Variants in TTI1 observed in about 807,000 individuals in gnomAD.
TTI1 encodes TELO2-interacting protein 1 homolog.
Under a neutral mutation model 85.4 loss-of-function variants are expected in TTI1, and 52 were observed. The observed-to-expected ratio is 0.61, with a 90% CI of 0.49 to 0.77. The LOEUF is 0.77. Among genes scored for constraint, TTI1 ranks in the 30% least tolerant of loss-of-function variants. TTI1 has a pLI of 0.00. For synonymous variants in TTI1, 512 were observed against 503.9 expected, an observed-to-expected ratio of 1.02 and a Z score of -0.22; for missense variants, 1,173 against 1,296.0, an observed-to-expected ratio of 0.91 and a Z score of 1.46.
At chr20:38,009,921 T>C (rs917479919) in intron 2 of TTI1, among the ~76,000 whole-genome samples, 8 of 152,240 alleles carry the variant, frequency 5.3e-5, no homozygotes, top group South Asian at 2.1e-4. Flanking sequence ...ACTGAACTTA[T>C]AGGAGCCTGT....
chr20:38,015,581 C>T (rs2073671096), intron 1 of TTI1, among the ~76,000 whole-genome samples: 1 of 152,062 alleles, frequency 6.6e-6, no homozygotes, highest in African/African-American at 2.4e-5. Context: ...CATTTGAGCA[C>T]TCCTTGAGGT....
intron 7 of TTI1, among the ~76,000 whole-genome samples, chr20:37,990,391 A>C (rs142151911): frequency 6.6e-6 from 1 of 152,358 alleles, no homozygotes; most frequent in East Asian, 1.9e-4. Flanking sequence ...AAGCAAAATA[A>C]CATACATGCT....
intron 2 of TTI1, among the ~76,000 whole-genome samples, chr20:38,008,253 T>C (rs1161961480): frequency 3.9e-5 from 6 of 152,136 alleles, no homozygotes; most frequent in African/African-American, 1.4e-4. Flanking sequence ...TAATACCCTT[T>C]AAACCAGCAT....
At position 38,006,241 on chromosome 20, in the gene TTI1, T is replaced by C. The variant is rs1216405080; in HGVS notation, c.2459A>G (p.Lys820Arg). The change falls in exon 3 of 8, where the codon AAG (lysine) becomes AGG (arginine). Residue 820 changes from lysine (K) to arginine (R), a missense_variant. Transcript: ENST00000373447. ...CGAGACATTTCCATCTGCCACATCCTTCTCTTTGAGGTAGTTCAGCAAAAA... is the reference window on the plus strand; with the variant it reads ...CGAGACATTTCCATCTGCCACATCCCTCTCTTTGAGGTAGTTCAGCAAAAA... The part of the protein sequence containing the change: ...EQFLLNYLKE[K>R]DVADGNVSDF... 2 of 1,614,232 alleles carry C rather than the reference T, an allele frequency of 1.2e-6. No individual in the cohort carries two copies.
chr20:37,991,536 C>G (rs2073265139), intron 7 of TTI1, among the ~76,000 whole-genome samples: 1 of 152,196 alleles, frequency 6.6e-6, no homozygotes, highest in Non-Finnish European at 1.5e-5. Context: ...GGAAGTCAGT[C>G]TGTAAATGAA....
chr20:38,020,931 C>T (rs1254942766), intron 1 of TTI1, among the ~76,000 whole-genome samples: 3 of 152,158 alleles, frequency 2.0e-5, no homozygotes, highest in African/African-American at 7.2e-5. Context: ...ACGGAAAACT[C>T]GTTGGCAGTA....
At chr20:38,015,390 C>T (rs897271361) in intron 1 of TTI1, among the ~76,000 whole-genome samples, 1 of 152,156 alleles carries the variant, frequency 6.6e-6, no homozygotes, top group African/African-American at 2.4e-5. Context: ...TAGAAAAATG[C>T]CACGCGTGGC....
chr20:38,012,597 T>C lies in TTI1; in HGVS notation c.1220A>G (p.Tyr407Cys). 6.2e-7 allele frequency: 1 copy of C among 1,614,168 alleles called. No homozygotes were observed. Among genetic ancestry groups the C allele is most frequent in the Non-Finnish European group, 8.5e-7 (1 of 1,180,024 alleles). Residue 407 changes from tyrosine to cysteine, a missense_variant, in exon 2 of 8, where the codon TAT becomes TGT. By Grantham distance (194) the Tyr-to-Cys change is radical. Coordinates refer to ENST00000373447, the MANE Select transcript of TTI1 (RefSeq NM_001303457.2). ...KFSTLSLLLG[Y>C]LKLLGPKINF... ...TATTTTTGGGCCCAAGAGTTTCAGA[T>C]AACCAAGTAACAAGGAAAGAGTAGA...
At chr20:38,024,701 T>G (rs1411324131) in intron 1 of TTI1, among the ~76,000 whole-genome samples, 1 of 152,152 alleles carries the variant, frequency 6.6e-6, no homozygotes, top group African/African-American at 2.4e-5. Context: ...AAAGGCTGAT[T>G]GGAGAGCCTA....
In TTI1 at chr20:38,011,648, C is replaced by T; in HGVS notation, c.2169G>A (p.Leu723=). 1 of 1,614,248 alleles carries T rather than the reference C, an allele frequency of 6.2e-7. No homozygotes were observed. The highest frequency in any genetic ancestry group is 2.2e-5 in the East Asian group (1 of 44,890). The change falls in exon 2 of 8, where the codon CTG becomes CTA. Residue 723 remains leucine, a synonymous_variant. Transcript: ENST00000373447. The part of the protein sequence containing the change: ...PHTPKVLEVM[L]RNSDANLLPL... ...GAAGCAGGTTAGCATCTGAGTTCCG[C>T]AGCATGACTTCCAGGACCTTTGGGG...
At chr20:38,021,411 T>C (rs778670345) in intron 1 of TTI1, among the ~76,000 whole-genome samples, 7 of 152,218 alleles carry the variant, frequency 4.6e-5, no homozygotes, top group Admixed American at 2.0e-4. Context: ...TCTATTCCTA[T>C]AAAATGCAAC....
At chr20:38,019,390 C>A (rs2122622629) in intron 1 of TTI1, among the ~76,000 whole-genome samples, 1 of 152,036 alleles carries the variant, frequency 6.6e-6, no homozygotes, top group Admixed American at 6.5e-5. Context: ...AAATGCAAGA[C>A]AAGAATAATT....
At chr20:38,017,459 G>C (rs188382168) in intron 1 of TTI1, among the ~76,000 whole-genome samples, 5 of 151,564 alleles carry the variant, frequency 3.3e-5, no homozygotes, top group Non-Finnish European at 7.4e-5. Flanking sequence ...TGGTGTGTGC[G>C]CACGAGCCTT....
At chr20:37,988,329 T>G (rs1447771649) in intron 7 of TTI1, among the ~76,000 whole-genome samples, 1 of 152,180 alleles carries the variant, frequency 6.6e-6, no homozygotes, top group African/African-American at 2.4e-5. Context: ...GGGCACTGGA[T>G]CATTACTCAC....
At position 38,006,346 on chromosome 20, in the gene TTI1, A is replaced by G. The variant is rs1191654967; in HGVS notation, c.2354T>C (p.Leu785Ser). 4 of 1,613,988 alleles carry G rather than the reference A, an allele frequency of 2.5e-6. No individual in the cohort carries two copies. Among genetic ancestry groups the G allele is most frequent in the East Asian group, 2.2e-5 (1 of 44,898 alleles). ...GNLGHLQEQS[L>S]GEEGSHLNQR... The stretch of plus-strand genomic sequence containing the variant: ...GTTCAAATGACTTCCCTCTTCTCCT[A>G]AACTTTGCTCTTGGAGGTGCCCAAG... Residue 785 changes from leucine to serine, a missense_variant, in exon 3 of 8, where the codon TTA becomes TCA. By Grantham distance (145) the Leu-to-Ser change is moderately radical. Coordinates refer to ENST00000373447, the MANE Select transcript of TTI1 (RefSeq NM_001303457.2).
chr20:37,985,430 C>T (rs77001052), intron 7 of TTI1, among the ~76,000 whole-genome samples: 6,051 of 152,094 alleles, frequency 0.04, 256 homozygotes, highest in African/African-American at 0.11. Flanking sequence ...TGGGTCTTAC[C>T]GTGAAGCCAG....
chr20:38,033,109 G>A (rs1402546757), intron 1 of TTI1, among the ~76,000 whole-genome samples: 4 of 152,178 alleles, frequency 2.6e-5, no homozygotes, highest in Non-Finnish European at 5.9e-5. Context: ...CTGAGTAGGA[G>A]CTCACCAGGT....
In TTI1 at chr20:37,996,789, G is replaced by C. The variant is rs748271065; in HGVS notation, c.2958C>G (p.Val986=). Residue 986 remains valine (V), a synonymous_variant, in exon 6 of 8, where the codon GTC becomes GTG. Transcript: ENST00000373447. The stretch of plus-strand genomic sequence containing the variant: ...CACAGAGGGGGCCCAGGCCCTGTAA[G>C]ACAGCCAGCTGCAACTTGAAGGCCA... ...HTLAFKLQLA[V]LQGLGPLCER... 1 of 1,613,770 alleles carries C rather than the reference G, an allele frequency of 6.2e-7. No homozygotes were observed. The highest frequency in any genetic ancestry group is 1.1e-5 in the South Asian group (1 of 91,070).
At position 38,013,835 on chromosome 20, in the gene TTI1, T is replaced by G. The variant is rs1600641350; in HGVS notation, c.-19A>C. On this transcript the variant is annotated 5_prime_UTR_variant, in exon 2 of 8. It removes the in-frame stop codon of an upstream open reading frame in the 5' UTR. Coordinates refer to ENST00000373447, the MANE Select transcript of TTI1 (RefSeq NM_001303457.2). ...CTGCCATTGTGCAGCAGCCTTCCCC[T>G]CATTGAGGAAACATCCTGCAGGCTG... The G allele has an allele frequency of 3.8e-6, 6 of 1,593,708 alleles. No homozygotes were observed. Among genetic ancestry groups the G allele is most frequent in the Non-Finnish European group, 5.1e-6 (6 of 1,170,784 alleles).
Sources: allele counts gnomAD v4.1 joint callset (sites outside exome capture counted in the v4.1 genomes callset), GRCh38; gene constraint gnomAD v4.1.1; transcripts MANE v1.5; gene names NCBI Gene and HGNC (gene_info 2026-07-23, HGNC 2026-07-21).